LARGE1: variants seen among roughly 807,000 people sequenced by gnomAD.
The protein encoded by LARGE1 is xylosyl- and glucuronyltransferase LARGE1.
In LARGE1, 43 loss-of-function variants were observed where a neutral mutation model predicts 87.6. The ratio of observed to expected loss-of-function variants is 0.49; its 90% confidence interval spans 0.38 to 0.63. The LOEUF is 0.63. Among genes scored for constraint, LARGE1 ranks in the 30% least tolerant of loss-of-function variants. The probability of loss-of-function intolerance (pLI) is 0.00; values close to 1 mark genes in which losing one functional copy is unlikely to be tolerated. For missense variants in LARGE1, 802 were observed against 1,000.2 expected, an observed-to-expected ratio of 0.80 and a Z score of 2.67; for synonymous variants, 434 against 394.6, an observed-to-expected ratio of 1.10 and a Z score of -1.18.
chr22:33,472,644 G>A (rs1201791414), intron 6 of LARGE1, among the ~76,000 whole-genome samples: 1 of 152,172 alleles, frequency 6.6e-6, no homozygotes, highest in East Asian at 1.9e-4. Flanking sequence ...TGTCTCAGCA[G>A]ATAGTCATTT....
intron 11 of LARGE1, among the ~76,000 whole-genome samples, chr22:33,315,628 C>CT (rs1332223725): frequency 3.3e-5 from 5 of 151,140 alleles, no homozygotes; most frequent in South Asian, 4.2e-4. Flanking sequence ...TATCAGTACT[C>CT]TTTTTTTTTC....
intron 6 of LARGE1, among the ~76,000 whole-genome samples, chr22:33,441,743 C>A (rs926619368): frequency 3.9e-5 from 6 of 152,174 alleles, no homozygotes; most frequent in Admixed American, 1.3e-4. Flanking sequence ...CACCACCACA[C>A]CCAGCTCATA....
At chr22:33,535,497 C>T (rs931510584) in intron 6 of LARGE1, among the ~76,000 whole-genome samples, 3 of 151,078 alleles carry the variant, frequency 2.0e-5, no homozygotes, top group African/African-American at 7.3e-5. Flanking sequence ...GAGCTGAGAT[C>T]GCACTACTGT....
chr22:33,183,482 T>C (rs931716169), intron 11 of LARGE1, among the ~76,000 whole-genome samples: 1 of 152,132 alleles, frequency 6.6e-6, no homozygotes, highest in African/African-American at 2.4e-5. Context: ...TCTGGGTACA[T>C]ATTCCAAAGT....
intron 1 of LARGE1, among the ~76,000 whole-genome samples, chr22:33,909,530 T>G (rs8137682): frequency 0.089 from 13,514 of 151,000 alleles, 909 homozygotes; most frequent in African/African-American, 0.18. Context: ...TTGTTTTTTT[T>G]TTTTTGTTTT....
In LARGE1 at chr22:33,303,014, G is replaced by A. The variant is rs1934373432; in HGVS notation, c.1730+1215C>T. Among the ~76,000 whole-genome samples, 3 of 152,206 alleles carry A rather than the reference G, an allele frequency of 2.0e-5. No individual in the cohort carries two copies. In the South Asian group the frequency reaches 6.2e-4, roughly 31 times the overall value. ...GCATAATTCATGCTGACCAATGGCA[G>A]TAAATAAAGGATTTTTTTAAAATGT... On this transcript the variant is annotated intron_variant, in intron 12 of 14. Transcript: ENST00000397394.
At chr22:33,846,168 T>G (rs1306639682) in intron 1 of LARGE1, among the ~76,000 whole-genome samples, 1 of 152,202 alleles carries the variant, frequency 6.6e-6, no homozygotes, top group African/African-American at 2.4e-5. Context: ...TTGCGGGAAG[T>G]CAGGGACCCC....
chr22:33,445,020 C>T lies in LARGE1; in HGVS notation c.788-12755G>A, dbSNP rs5998945. Among the ~76,000 whole-genome samples, 1,315 of 152,152 alleles carry T rather than the reference C, an allele frequency of 8.6e-3. 24 individuals are homozygous for T. The highest frequency in any genetic ancestry group is 0.03 in the African/African-American group (1,254 of 41,530). On this transcript the variant is annotated intron_variant, in intron 6 of 14. Coordinates refer to ENST00000397394, the MANE Select transcript of LARGE1 (RefSeq NM_133642.5). ...CATTTTTGTATTTTTGGTAGAGACG[C>T]GGTTTCGCCATGTCAGTCAGGCTGG...
chr22:33,441,453 T>C (rs2067474225), intron 6 of LARGE1, among the ~76,000 whole-genome samples: 1 of 152,012 alleles, frequency 6.6e-6, no homozygotes, highest in South Asian at 2.1e-4. Flanking sequence ...TCTCTTTCTC[T>C]CTCTCTCTGT....
chr22:33,116,840 T>C, the LARGE1 span, among the ~76,000 whole-genome samples: 8 of 152,090 alleles, frequency 5.3e-5, no homozygotes, highest in Admixed American at 3.9e-4. Flanking sequence ...CTTAGGAAAA[T>C]AGAGCATACT....
At chr22:33,120,386 C>CTT in the LARGE1 span, among the ~76,000 whole-genome samples, 1 of 94,178 alleles carries the variant, frequency 1.1e-5, no homozygotes, top group African/African-American at 6.6e-5. Flanking sequence ...TTCTTTCTTT[C>CTT]TTTCTTTCTT....
intron 1 of LARGE1, among the ~76,000 whole-genome samples, chr22:33,867,595 A>G (rs2064144465): frequency 6.6e-6 from 1 of 152,156 alleles, no homozygotes; most frequent in Non-Finnish European, 1.5e-5. Context: ...TTCTATTTCC[A>G]AAATCTGAAA....
At chr22:33,330,909 A>C (rs983568432) in intron 10 of LARGE1, among the ~76,000 whole-genome samples, 1 of 152,134 alleles carries the variant, frequency 6.6e-6, no homozygotes, top group African/African-American at 2.4e-5. Context: ...TGAATTTCCG[A>C]ATCAGTGGGG....
the LARGE1 span, among the ~76,000 whole-genome samples, chr22:33,102,163 CT>C: frequency 0.73 from 105,469 of 144,630 alleles, 39,285 homozygotes; most frequent in Non-Finnish European, 0.81. Context: ...GTCCCTTTGT[CT>C]TTTTTTTTTT....
intron 2 of LARGE1, among the ~76,000 whole-genome samples, chr22:33,749,183 C>T (rs2084217415): frequency 6.6e-6 from 1 of 152,166 alleles, no homozygotes; most frequent in South Asian, 2.1e-4. Context: ...GGCACAATCT[C>T]GGCTCACCGC....
At chr22:33,150,212 C>A in the LARGE1 span, among the ~76,000 whole-genome samples, 1 of 152,188 alleles carries the variant, frequency 6.6e-6, no homozygotes, top group Non-Finnish European at 1.5e-5. Context: ...TGATTGCTTC[C>A]TTATCACCCC....
intron 1 of LARGE1, among the ~76,000 whole-genome samples, chr22:33,900,257 C>T (rs1157241868): frequency 6.6e-6 from 1 of 152,248 alleles, no homozygotes; most frequent in Non-Finnish European, 1.5e-5. Flanking sequence ...TAAGAAGATG[C>T]AGCTCAGCTC....
chr22:33,378,004 C>T (rs886232637), intron 9 of LARGE1, among the ~76,000 whole-genome samples: 1 of 151,968 alleles, frequency 6.6e-6, no homozygotes, highest in Non-Finnish European at 1.5e-5. Flanking sequence ...TGTTTTATAT[C>T]TGGTAAGTCC....
intron 9 of LARGE1, among the ~76,000 whole-genome samples, chr22:33,354,451 G>A (rs1385741900): frequency 1.3e-5 from 2 of 152,194 alleles, no homozygotes; most frequent in Non-Finnish European, 2.9e-5. Flanking sequence ...AATTTACCTT[G>A]TTAGTTGATA....
Sources: allele counts gnomAD v4.1 joint callset (sites outside exome capture counted in the v4.1 genomes callset), GRCh38; gene constraint gnomAD v4.1.1; transcripts MANE v1.5; gene names NCBI Gene and HGNC (gene_info 2026-07-23, HGNC 2026-07-21).